BICC1: variants seen among roughly 807,000 people sequenced by gnomAD.
BICC1 encodes protein bicaudal C homolog 1.
A neutral mutation model predicts 111.0 loss-of-function variants in BICC1; 43 were observed. The ratio of observed to expected loss-of-function variants is 0.39; its 90% confidence interval spans 0.30 to 0.50. The LOEUF (loss-of-function observed/expected upper bound fraction) is 0.50, where lower values mean the gene tolerates loss of function less well. Ranked by LOEUF, BICC1 falls within the 20% of genes least tolerant of loss-of-function variation. The probability of loss-of-function intolerance (pLI) is 0.88; values close to 1 mark genes in which losing one functional copy is unlikely to be tolerated. For missense variants in BICC1, 1,091 were observed against 1,203.2 expected (o/e 0.91, Z 1.38); for synonymous variants, 467 against 434.4 (o/e 1.07, Z -0.93).
At chr10:58,542,150 C>CAA (rs149049552) in intron 1 of BICC1, among the ~76,000 whole-genome samples, 38,005 of 81,766 alleles carry the variant, frequency 0.46, 8,488 homozygotes, top group Admixed American at 0.59. Context: ...GACCCTGTCT[C>CAA]AAAAAAAAAA....
intron 2 of BICC1, among the ~76,000 whole-genome samples, chr10:58,689,105 C>T (rs1274423368): frequency 6.6e-6 from 1 of 152,046 alleles, no homozygotes; most frequent in Non-Finnish European, 1.5e-5. Context: ...TGATCAAGAA[C>T]CTTTCTGCGA....
chr10:58,715,720 A>G (rs1840718901), intron 3 of BICC1: 1 of 1,573,234 alleles, frequency 6.4e-7, no homozygotes, highest in African/African-American at 1.3e-5. Flanking sequence ...AAAGGTTCCA[A>G]GGCTTTGGCT....
At chr10:58,619,478 CTTT>C (rs60650027) in intron 1 of BICC1, among the ~76,000 whole-genome samples, 30 of 120,714 alleles carry the variant, frequency 2.5e-4, no homozygotes, top group South Asian at 2.8e-4. Context: ...AGTTTTGAAT[CTTT>C]TTTTTTTTTT....
chr10:58,558,907 A>G (rs1376869123), intron 1 of BICC1, among the ~76,000 whole-genome samples: 1 of 152,076 alleles, frequency 6.6e-6, no homozygotes, highest in African/African-American at 2.4e-5. Context: ...CACATTTATG[A>G]GGGCTCTTTC....
intron 1 of BICC1, among the ~76,000 whole-genome samples, chr10:58,568,966 C>T (rs1227079071): frequency 6.6e-6 from 1 of 152,150 alleles, no homozygotes; most frequent in East Asian, 1.9e-4. Flanking sequence ...TTTTGTGTTC[C>T]TAAGGAAAGA....
intron 2 of BICC1, among the ~76,000 whole-genome samples, chr10:58,622,872 T>A (rs1325991033): frequency 1.3e-5 from 2 of 152,262 alleles, no homozygotes; most frequent in African/African-American, 4.8e-5. Flanking sequence ...AGAAATAGGC[T>A]ACATAGCTGT....
intron 2 of BICC1, among the ~76,000 whole-genome samples, chr10:58,692,525 T>C (rs1564557318): frequency 6.6e-6 from 1 of 152,198 alleles, no homozygotes; most frequent in Non-Finnish European, 1.5e-5. Flanking sequence ...CAGTCATAAA[T>C]GTATAGGAAA....
chr10:58,541,148 G>A (rs1293211588), intron 1 of BICC1, among the ~76,000 whole-genome samples: 2 of 152,012 alleles, frequency 1.3e-5, no homozygotes, highest in Non-Finnish European at 2.9e-5. Flanking sequence ...ATGCACAAGG[G>A]AAGGATTCCT....
chr10:58,584,818 CT>C (rs1162606186), intron 1 of BICC1, among the ~76,000 whole-genome samples: 13 of 151,116 alleles, frequency 8.6e-5, no homozygotes, highest in Non-Finnish European at 1.5e-5. Flanking sequence ...ATGACAGTGA[CT>C]GACAAAATGG....
At chr10:58,708,002 ATT>A (rs71467049) in intron 3 of BICC1, among the ~76,000 whole-genome samples, 16 of 108,332 alleles carry the variant, frequency 1.5e-4, no homozygotes, top group African/African-American at 5.3e-4. Context: ...TAGCCAGCTA[ATT>A]TTTTTTTTTT....
At chr10:58,652,826 G>A (rs1838492653) in intron 2 of BICC1, among the ~76,000 whole-genome samples, 1 of 152,154 alleles carries the variant, frequency 6.6e-6, no homozygotes, top group East Asian at 1.9e-4. Context: ...ACGTGTAATA[G>A]AGGAAGGTAA....
At chr10:58,617,802 A>G (rs955741955) in intron 1 of BICC1, among the ~76,000 whole-genome samples, 7 of 152,246 alleles carry the variant, frequency 4.6e-5, no homozygotes, top group Non-Finnish European at 1.0e-4. Flanking sequence ...GGCAAAACCT[A>G]TGGGAGGAAG....
At chr10:58,769,400 G>GTATATACATATATATATATATA (rs1202556984) in intron 3 of BICC1, among the ~76,000 whole-genome samples, 5 of 106,562 alleles carry the variant, frequency 4.7e-5, no homozygotes, top group Non-Finnish European at 1.0e-4. Context: ...GTGTGTGTGT[G>GTATATACATATATATATATATA]TGTGTATATA....
At chr10:58,746,048 A>AT (rs1841828715) in intron 3 of BICC1, among the ~76,000 whole-genome samples, 1 of 152,062 alleles carries the variant, frequency 6.6e-6, no homozygotes, top group Non-Finnish European at 1.5e-5. Flanking sequence ...TCCTGGTATT[A>AT]TTTTTTGCAG....
intron 3 of BICC1, among the ~76,000 whole-genome samples, chr10:58,707,380 G>A (rs1840415516): frequency 6.6e-6 from 1 of 152,074 alleles, no homozygotes; most frequent in East Asian, 1.9e-4. Context: ...AGGCATGGCA[G>A]GGCATGGCAT....
At chr10:58,755,838 C>T (rs1842128902) in intron 3 of BICC1, among the ~76,000 whole-genome samples, 1 of 152,124 alleles carries the variant, frequency 6.6e-6, no homozygotes, top group South Asian at 2.1e-4. Flanking sequence ...CACCTGCTTT[C>T]TTGAGCAACC....
At chr10:58,614,219 G>A (rs961717648) in intron 1 of BICC1, among the ~76,000 whole-genome samples, 1 of 152,074 alleles carries the variant, frequency 6.6e-6, no homozygotes, top group Non-Finnish European at 1.5e-5. Context: ...TGTTAGCTTT[G>A]TCTGCTTGGG....
chr10:58,684,087 G>T (rs902681025), intron 2 of BICC1, among the ~76,000 whole-genome samples: 7 of 152,146 alleles, frequency 4.6e-5, no homozygotes, highest in Non-Finnish European at 8.8e-5. Flanking sequence ...AGCATGAAGC[G>T]CTGTTGAATT....
At chr10:58,515,934 T>C (rs1250021688) in intron 1 of BICC1, among the ~76,000 whole-genome samples, 1 of 152,198 alleles carries the variant, frequency 6.6e-6, no homozygotes, top group Non-Finnish European at 1.5e-5. Flanking sequence ...AAATATAGTA[T>C]ATACTTAATA....
Sources: gnomAD v4.1 joint callset for allele counts (sites outside exome capture counted in the v4.1 genomes callset) on GRCh38, gnomAD v4.1.1 for gene constraint, MANE v1.5 for transcripts, NCBI Gene and HGNC (gene_info 2026-07-23, HGNC 2026-07-21) for gene names.